The following TARS3 variants were observed in gnomAD, a reference collection of about 807,000 sequenced individuals.
TARS3 encodes the protein threonyl-tRNA synthetase 3.
A neutral mutation model predicts 103.5 loss-of-function variants in TARS3; 94 were observed. That is an observed-to-expected ratio of 0.91 (90% CI 0.77 to 1.08). TARS3 has a LOEUF of 1.08. TARS3 is among the 50% of genes least tolerant of loss of function. The probability of loss-of-function intolerance (pLI) is 0.00; values close to 1 mark genes in which losing one functional copy is unlikely to be tolerated. For missense variants in TARS3, 952 were observed against 995.2 expected (o/e 0.96, Z 0.58); for synonymous variants, 416 against 355.4 (o/e 1.17, Z -1.92).
At chr15:101,669,496 G>A (rs1203024511) in intron 15 of TARS3, among the ~76,000 whole-genome samples, 5 of 152,012 alleles carry the variant, frequency 3.3e-5, no homozygotes, top group African/African-American at 7.2e-5. Flanking sequence ...TAATGTCCTC[G>A]GCCTTCACAT....
chr15:101,710,807 G>A (rs1899825785), intron 5 of TARS3, among the ~76,000 whole-genome samples: 1 of 151,988 alleles, frequency 6.6e-6, no homozygotes, highest in South Asian at 2.1e-4. Flanking sequence ...ACTTAAGGCA[G>A]AAACAAGAGA....
intron 3 of TARS3, 21 bp downstream of exon 3, chr15:101,721,105 C>G: frequency 6.3e-7 from 1 of 1,575,174 alleles, no homozygotes; most frequent in Non-Finnish European, 8.7e-7. Context: ...GATTGAATAT[C>G]TTTTCCACAC....
intron 8 of TARS3, among the ~76,000 whole-genome samples, chr15:101,703,012 G>A (rs1332109029): frequency 6.6e-6 from 1 of 152,148 alleles, no homozygotes; most frequent in Non-Finnish European, 1.5e-5. Context: ...TAGGTATGGG[G>A]AAGTAAAGGT....
In TARS3 at chr15:101,685,897, A is replaced by G. The variant is rs1391053732; in HGVS notation, c.1486T>C (p.Cys496Arg). The G allele has an allele frequency of 6.2e-7, 1 of 1,613,064 alleles. No individual in the cohort carries two copies. Among genetic ancestry groups the G allele is most frequent in the Non-Finnish European group, 8.5e-7 (1 of 1,179,352 alleles). Residue 496 changes from cysteine (C) to arginine (R), a missense_variant and splice_region_variant, in exon 11 of 19, where the codon TGT becomes CGT. Cys to Arg is a radical substitution (Grantham distance 180). Coordinates refer to ENST00000335968, the MANE Select transcript of TARS3 (RefSeq NM_152334.3). Reference sequence around the variant, plus strand: ...GTCTGCTTCGCTTTTAATACTCACCAGTGCCCTGGACAATTCATGGGTTTG... The same window carrying G: ...GTCTGCTTCGCTTTTAATACTCACCGGTGCCCTGGACAATTCATGGGTTTG... ...ALKPMNCPGH[C>R]LMFAHRPRSW...
intron 15 of TARS3, among the ~76,000 whole-genome samples, chr15:101,669,498 C>T (rs1182267910): frequency 6.6e-5 from 10 of 152,142 alleles, no homozygotes; most frequent in Non-Finnish European, 1.5e-4. Context: ...ATGTCCTCGG[C>T]CTTCACATAT....
intron 10 of TARS3, among the ~76,000 whole-genome samples, chr15:101,688,186 C>T (rs1272553972): frequency 6.6e-6 from 1 of 152,046 alleles, no homozygotes; most frequent in Non-Finnish European, 1.5e-5. Flanking sequence ...ATATAAATAA[C>T]AGAGAGATAA....
chr15:101,671,372 G>T (rs117004154), intron 15 of TARS3, 114 bp downstream of exon 15: 1 of 746,290 alleles, frequency 1.3e-6, no homozygotes, highest in Non-Finnish European at 2.2e-6. Context: ...TATATATTGC[G>T]TGTATAGCAC....
chr15:101,674,288 A>G (rs28590568), intron 13 of TARS3, among the ~76,000 whole-genome samples: 21,253 of 152,236 alleles, frequency 0.14, 1,994 homozygotes, highest in African/African-American at 0.26. Context: ...GTTACTAGCA[A>G]TCTGGATATG....
intron 12 of TARS3, among the ~76,000 whole-genome samples, chr15:101,677,967 C>CT (rs796517538): frequency 2.8e-4 from 41 of 146,010 alleles, no homozygotes; most frequent in African/African-American, 8.4e-4. Context: ...CATGGGACTT[C>CT]TTTTTTTTTG....
chr15:101,657,214 G>A (rs1897225991), intron 17 of TARS3, among the ~76,000 whole-genome samples, 178 bp from the exon 18 acceptor site: 1 of 152,210 alleles, frequency 6.6e-6, no homozygotes, highest in Admixed American at 6.5e-5. Flanking sequence ...TCTGAGACTA[G>A]TTTATAAAAG....
intron 10 of TARS3, among the ~76,000 whole-genome samples, chr15:101,693,033 G>A (rs1898798428): frequency 6.6e-6 from 1 of 152,194 alleles, no homozygotes; most frequent in Non-Finnish European, 1.5e-5. Context: ...CAACAAGTCA[G>A]GCAGATTCCA....
intron 3 of TARS3, among the ~76,000 whole-genome samples, chr15:101,715,419 T>G (rs888159688): frequency 1.3e-5 from 2 of 152,188 alleles, no homozygotes; most frequent in African/African-American, 2.4e-5. Flanking sequence ...GTGCTGGGAT[T>G]ACAGGCGTGA....
intron 10 of TARS3, among the ~76,000 whole-genome samples, chr15:101,697,913 A>T (rs987414269): frequency 6.6e-6 from 1 of 152,224 alleles, no homozygotes; most frequent in Non-Finnish European, 1.5e-5. Context: ...CGTGTTGATG[A>T]TAAATTTATA....
At chr15:101,657,382 G>A (rs1447527850) in intron 17 of TARS3, among the ~76,000 whole-genome samples, 1 of 152,190 alleles carries the variant, frequency 6.6e-6, no homozygotes, top group Non-Finnish European at 1.5e-5. Flanking sequence ...CAGCCTGACT[G>A]CAGCCCCAGG....
chr15:101,713,282 T>C (rs780751906), intron 4 of TARS3, among the ~76,000 whole-genome samples: 2 of 152,094 alleles, frequency 1.3e-5, no homozygotes, highest in Admixed American at 6.5e-5. Flanking sequence ...ACGTAGGGGA[T>C]GTGACAAAGC....
Position 101,684,248 on chromosome 15 carries a change from TGTG to T in TARS3, c.1488-14_1488-12del. On this transcript the variant is annotated splice_polypyrimidine_tract_variant and intron_variant, in intron 11 of 18. Transcript: ENST00000335968. ...TGGGCAAACATTAGACTAGAAAAGA[TGTG>T]GTAACACACAGCTTTTACACAGCAC... The T allele has an allele frequency of 6.2e-7, 1 of 1,612,718 alleles. No individual in the cohort carries two copies. Among genetic ancestry groups the T allele is most frequent in the African/African-American group, 1.3e-5 (1 of 75,006 alleles).
At position 101,675,625 on chromosome 15, in the gene TARS3, AT is replaced by A. The variant is rs1377134408; in HGVS notation, c.1762del (p.Ile588LeufsTer15). Reference protein sequence around the residue: ...STRPENFLGEIEMWNEAEKQL... With the variant: ...STRPENFLGEXEMWNEAEKQL... The stretch of plus-strand genomic sequence containing the variant: ...CTTCTCAGCCTCATTCCACATCTCA[AT>A]CTCTCCTAGGAAGTTTTCCGGCCTT... On this transcript the variant is annotated frameshift_variant, in exon 13 of 19. Coordinates refer to ENST00000335968, the MANE Select transcript of TARS3 (RefSeq NM_152334.3). LOFTEE classifies it high-confidence loss of function. The A allele has an allele frequency of 6.8e-6, 11 of 1,613,744 alleles. No homozygotes were observed. Among genetic ancestry groups the A allele is most frequent in the Non-Finnish European group, 8.5e-6 (10 of 1,179,878 alleles).
intron 15 of TARS3, among the ~76,000 whole-genome samples, 193 bp downstream of exon 15, chr15:101,671,293 A>G (rs1235263819): frequency 3.3e-5 from 5 of 152,196 alleles, no homozygotes; most frequent in African/African-American, 1.2e-4. Context: ...ATGTTTACTT[A>G]TCTTCCTCCC....
rs571490926 is a variant in TARS3, at chr15:101,654,448, G to T, written c.*134C>A. 0.013 allele frequency: 12,167 copies of T among 903,250 alleles called. 111 individuals are homozygous for T. The highest frequency in any genetic ancestry group is 0.017 in the Non-Finnish European group (10,681 of 615,484). The allele number at this position is 903,250 out of a possible 1,614,324, so 56.0% of individuals were successfully genotyped here. A position where few individuals can be genotyped will look rare whatever the true frequency, so the allele number is the denominator to read the frequency against. ...CGTGCATGTCAGCTACACGTTCATCGTCTCCTTTCTCAGCTGAGGCCATGA... is the reference window on the plus strand; with the variant it reads ...CGTGCATGTCAGCTACACGTTCATCTTCTCCTTTCTCAGCTGAGGCCATGA... On this transcript the variant is annotated 3_prime_UTR_variant, in exon 19 of 19. Transcript: ENST00000335968.
Sources: allele counts gnomAD v4.1 joint callset (sites outside exome capture counted in the v4.1 genomes callset), GRCh38; gene constraint gnomAD v4.1.1; transcripts MANE v1.5; gene names NCBI Gene and HGNC (gene_info 2026-07-23, HGNC 2026-07-21).